Variants in PPP4R3B observed in about 807,000 individuals in gnomAD.
PPP4R3B encodes the protein serine/threonine-protein phosphatase 4 regulatory subunit 3B.
PPP4R3B carries 52 observed loss-of-function variants against 95.4 expected under a neutral mutation model. That is an observed-to-expected ratio of 0.54 (90% CI 0.44 to 0.69). The LOEUF is 0.69. PPP4R3B is among the 30% of genes least tolerant of loss of function. PPP4R3B has a pLI of 0.00. For synonymous variants in PPP4R3B, 407 were observed against 343.9 expected, an observed-to-expected ratio of 1.18 and a Z score of -2.03; for missense variants, 1,003 against 1,005.9, an observed-to-expected ratio of 1.00 and a Z score of 0.04.
At chr2:55,586,582 C>G in intron 6 of PPP4R3B, 36 bp downstream of exon 6, 1 of 1,288,582 alleles carries the variant, frequency 7.8e-7, no homozygotes, top group Non-Finnish European at 1.1e-6. Context: ...TACAAATTTA[C>G]AATTTCAAAA....
chr2:55,617,452 CAA>C lies in PPP4R3B; in HGVS notation c.-169_-168del. The C allele has an allele frequency of 1.3e-6, 1 of 770,710 alleles. No individual in the cohort carries two copies. The highest frequency in any genetic ancestry group is 2.7e-5 in the South Asian group (1 of 37,526). 47.7% of individuals were successfully genotyped at this position (770,710 alleles called of 1,614,324 possible). A position where few individuals can be genotyped will look rare whatever the true frequency, so the allele number is the denominator to read the frequency against. On this transcript the variant is annotated 5_prime_UTR_variant, in exon 1 of 17. Transcript: ENST00000616407. ...AAGGTTCAGCCGCGAGAAGGGGTGA[CAA>C]GAGCCACTGAGGCCTCTCCGCCCGG...
In PPP4R3B at chr2:55,564,886, T is replaced by A. The variant is rs1687092342; in HGVS notation, c.2075+16A>T. ...ACAGTTTTGTAGGCTATAAAAGCAG[T>A]ATACTTAAACAATACCTGTTCAGTT... On this transcript the variant is annotated intron_variant, in intron 14 of 16. Coordinates refer to ENST00000616407, the MANE Select transcript of PPP4R3B (RefSeq NM_001122964.3). 22 of 1,604,842 alleles carry A rather than the reference T, an allele frequency of 1.4e-5. No homozygotes were observed. Among genetic ancestry groups the A allele is most frequent in the Non-Finnish European group, 1.9e-5 (22 of 1,177,662 alleles).
At chr2:55,567,617 T>C (rs1294694543) in intron 13 of PPP4R3B, among the ~76,000 whole-genome samples, 2 of 152,286 alleles carry the variant, frequency 1.3e-5, no homozygotes, top group East Asian at 1.9e-4. Flanking sequence ...GGTTTCATCA[T>C]GTTGGCCAGG....
At chr2:55,582,291 C>G (rs778401269) in intron 7 of PPP4R3B, among the ~76,000 whole-genome samples, 1 of 152,034 alleles carries the variant, frequency 6.6e-6, no homozygotes, top group Non-Finnish European at 1.5e-5. Flanking sequence ...GAAACGGAGT[C>G]TCGTTCTCTT....
chr2:55,569,326 C>T (rs1172017539), intron 12 of PPP4R3B, among the ~76,000 whole-genome samples: 1 of 152,070 alleles, frequency 6.6e-6, no homozygotes, highest in East Asian at 1.9e-4. Context: ...GTCACCCTTT[C>T]CCTGGGGGAG....
intron 2 of PPP4R3B, among the ~76,000 whole-genome samples, chr2:55,606,059 G>C (rs1482679450): frequency 6.6e-6 from 1 of 151,920 alleles, no homozygotes; most frequent in Non-Finnish European, 1.5e-5. Context: ...AGCTACTCTG[G>C]TCAGTGCTGG....
chr2:55,553,785 A>T (rs1022811191), intron 16 of PPP4R3B, among the ~76,000 whole-genome samples: 1 of 152,210 alleles, frequency 6.6e-6, no homozygotes, highest in African/African-American at 2.4e-5. Context: ...TCAGGACTTC[A>T]TTCTTTTTTA....
At chr2:55,569,970 C>G (rs989617708) in intron 12 of PPP4R3B, among the ~76,000 whole-genome samples, 2 of 152,212 alleles carry the variant, frequency 1.3e-5, no homozygotes, top group African/African-American at 4.8e-5. Flanking sequence ...AGACTATTTC[C>G]ACTCACACTA....
At chr2:55,591,144 C>CTTT (rs568526753) in intron 4 of PPP4R3B, among the ~76,000 whole-genome samples, 1 of 143,472 alleles carries the variant, frequency 7.0e-6, no homozygotes, top group African/African-American at 2.5e-5. Flanking sequence ...TTAGTTTTTC[C>CTTT]TTTTTTTTTT....
At chr2:55,557,762 A>G (rs1027582771) in intron 16 of PPP4R3B, among the ~76,000 whole-genome samples, 1 of 152,080 alleles carries the variant, frequency 6.6e-6, no homozygotes, top group African/African-American at 2.4e-5. Flanking sequence ...ACCTTTATAC[A>G]ATAGTTGTCC....
intron 2 of PPP4R3B, among the ~76,000 whole-genome samples, chr2:55,609,769 A>C (rs1693917601): frequency 6.6e-6 from 1 of 152,158 alleles, no homozygotes; most frequent in Admixed American, 6.5e-5. Flanking sequence ...CAAAGCACAA[A>C]ACAGTATACA....
At position 55,564,893 on chromosome 2, in the gene PPP4R3B, A is replaced by G. The variant is rs1687093844; in HGVS notation, c.2075+9T>C. On this transcript the variant is annotated intron_variant, in intron 14 of 16. Coordinates refer to ENST00000616407, the MANE Select transcript of PPP4R3B (RefSeq NM_001122964.3). ...TGTAGGCTATAAAAGCAGTATACTT[A>G]AACAATACCTGTTCAGTTTCTGATT... The G allele has an allele frequency of 1.9e-6, 3 of 1,607,246 alleles. No homozygotes were observed. The highest frequency in any genetic ancestry group is 2.5e-6 in the Non-Finnish European group (3 of 1,178,170).
chr2:55,584,218 T>TA (rs766668397), intron 7 of PPP4R3B, among the ~76,000 whole-genome samples: 1 of 151,772 alleles, frequency 6.6e-6, no homozygotes, highest in Non-Finnish European at 1.5e-5. Flanking sequence ...TTTTTAATAA[T>TA]AAAAAAAGAG....
At chr2:55,557,589 C>A (rs546975887) in intron 16 of PPP4R3B, among the ~76,000 whole-genome samples, 2 of 152,162 alleles carry the variant, frequency 1.3e-5, no homozygotes, top group African/African-American at 4.8e-5. Flanking sequence ...TTTCAAATAC[C>A]GAATACCATG....
intron 14 of PPP4R3B, among the ~76,000 whole-genome samples, 195 bp downstream of exon 14, chr2:55,564,707 T>C (rs1329260046): frequency 6.6e-6 from 1 of 152,192 alleles, no homozygotes; most frequent in Non-Finnish European, 1.5e-5. Flanking sequence ...ATATTCTTCG[T>C]AAGTTACAAC....
chr2:55,560,663 G>A (rs1300299477), intron 15 of PPP4R3B, among the ~76,000 whole-genome samples: 2 of 151,810 alleles, frequency 1.3e-5, no homozygotes, highest in Non-Finnish European at 2.9e-5. Flanking sequence ...TATAGTCCCA[G>A]CTACTTGGGA....
chr2:55,610,271 C>G (rs1460472834), intron 2 of PPP4R3B, among the ~76,000 whole-genome samples: 1 of 152,134 alleles, frequency 6.6e-6, no homozygotes, highest in East Asian at 1.9e-4. Flanking sequence ...CAAAGATCTT[C>G]TGCTCCACCC....
chr2:55,588,978 TA>T lies in PPP4R3B; in HGVS notation c.922-23del, dbSNP rs1263398343. The T allele has an allele frequency of 1.1e-5, 16 of 1,416,554 alleles. 1 individual carries two copies. The highest frequency in any genetic ancestry group is 1.6e-5 in the Non-Finnish European group (16 of 1,012,814). The allele number at this position is 1,416,554 out of a possible 1,614,324, so 87.7% of individuals were successfully genotyped here. On this transcript the variant is annotated intron_variant, in intron 4 of 16. Transcript: ENST00000616407. ...CTTCCTGCATGAGAAAAATAATTACTATGAAATATTAACAAAAGAATAAAGT... is the reference window on the plus strand; with the variant it reads ...CTTCCTGCATGAGAAAAATAATTACTTGAAATATTAACAAAAGAATAAAGT...
At chr2:55,582,019 A>G (rs1047369174) in intron 7 of PPP4R3B, among the ~76,000 whole-genome samples, 2 of 152,286 alleles carry the variant, frequency 1.3e-5, no homozygotes, top group Non-Finnish European at 2.9e-5. Context: ...AGGTTCTAAC[A>G]GAATCTCATT....
Sources: allele counts gnomAD v4.1 joint callset (sites outside exome capture counted in the v4.1 genomes callset), GRCh38; gene constraint gnomAD v4.1.1; transcripts MANE v1.5; gene names NCBI Gene and HGNC (gene_info 2026-07-23, HGNC 2026-07-21).